Variants in CAMK2D observed in about 807,000 individuals in gnomAD.
CAMK2D encodes the protein calcium/calmodulin-dependent protein kinase type II subunit delta.
CAMK2D carries 37 observed loss-of-function variants against 84.0 expected under a neutral mutation model. That is an observed-to-expected ratio of 0.44 (90% CI 0.34 to 0.58). CAMK2D has a LOEUF of 0.58. Among genes scored for constraint, CAMK2D ranks in the 20% least tolerant of loss-of-function variants. The pLI, the probability that CAMK2D is intolerant of heterozygous loss-of-function variation, is 0.02. For synonymous variants in CAMK2D, 202 were observed against 212.5 expected, an observed-to-expected ratio of 0.95 and a Z score of 0.43; for missense variants, 448 against 652.5, an observed-to-expected ratio of 0.69 and a Z score of 3.41.
In CAMK2D at chr4:113,719,244, T is replaced by C. The variant is rs550041918; in HGVS notation, c.160+40076A>G. On this transcript the variant is annotated intron_variant, in intron 2 of 20. Transcript: ENST00000511664. ...CGGAATAGACCAAACCAAAATGGAG[T>C]CCCTCATACTAATGTTCAGAAATCA... Among the ~76,000 whole-genome samples the C allele has an allele frequency of 4.6e-5, 7 of 152,120 alleles. No homozygotes were observed. In the East Asian group the frequency reaches 1.2e-3, roughly 25 times the overall value.
chr4:113,753,631 A>G (rs1438159993), intron 2 of CAMK2D: 3 of 247,842 alleles, frequency 1.2e-5, no homozygotes, highest in African/African-American at 6.9e-5. Context: ...CTTAAGAAAC[A>G]GCCTACGTCA....
chr4:113,595,825 C>T (rs2098923336), intron 4 of CAMK2D, among the ~76,000 whole-genome samples: 2 of 152,326 alleles, frequency 1.3e-5, no homozygotes, highest in South Asian at 2.1e-4. Flanking sequence ...GGTGGAGGTT[C>T]TCGCCTCAGT....
intron 7 of CAMK2D, among the ~76,000 whole-genome samples, chr4:113,534,324 A>T (rs2098476128): frequency 6.6e-6 from 1 of 152,148 alleles, no homozygotes; most frequent in South Asian, 2.1e-4. Flanking sequence ...GATTCGCTTG[A>T]ACTTGAGAAA....
intron 4 of CAMK2D, among the ~76,000 whole-genome samples, chr4:113,574,397 A>G (rs1288131075): frequency 1.3e-5 from 2 of 152,198 alleles, no homozygotes; most frequent in Non-Finnish European, 2.9e-5. Flanking sequence ...CATCTAAATA[A>G]ATTATGAGGT....
chr4:113,498,007 G>A (rs1183307736), intron 16 of CAMK2D, among the ~76,000 whole-genome samples: 1 of 152,186 alleles, frequency 6.6e-6, no homozygotes, highest in African/African-American at 2.4e-5. Flanking sequence ...ATATGACATG[G>A]TTTTGTAGAT....
chr4:113,590,519 AT>A (rs1561198454), intron 4 of CAMK2D, among the ~76,000 whole-genome samples: 1 of 152,130 alleles, frequency 6.6e-6, no homozygotes, highest in Non-Finnish European at 1.5e-5. Context: ...TTTCCTATGC[AT>A]AAAACTTTTC....
chr4:113,622,895 CTTTAT>C (rs2099052190), intron 3 of CAMK2D, among the ~76,000 whole-genome samples: 1 of 152,160 alleles, frequency 6.6e-6, no homozygotes, highest in Admixed American at 6.5e-5. Context: ...GAATAGGTAT[CTTTAT>C]TTTGTTTTAT....
At chr4:113,550,886 T>G (rs1180336900) in intron 5 of CAMK2D, among the ~76,000 whole-genome samples, 2 of 152,196 alleles carry the variant, frequency 1.3e-5, no homozygotes, top group African/African-American at 4.8e-5. Context: ...CATGTACAGA[T>G]AGATTCACAA....
chr4:113,524,952 T>C (rs897365001), intron 8 of CAMK2D, among the ~76,000 whole-genome samples: 10 of 152,218 alleles, frequency 6.6e-5, no homozygotes, highest in African/African-American at 2.4e-4. Flanking sequence ...GCTTCTAATC[T>C]GGAGGCCTAT....
chr4:113,661,046 C>T (rs1157570378), intron 3 of CAMK2D, among the ~76,000 whole-genome samples: 2 of 152,016 alleles, frequency 1.3e-5, no homozygotes, highest in African/African-American at 2.4e-5. Flanking sequence ...CCACCCGCCT[C>T]GGCCTCCCAA....
At chr4:113,605,311 G>C (rs1193466107) in intron 4 of CAMK2D, among the ~76,000 whole-genome samples, 1 of 152,188 alleles carries the variant, frequency 6.6e-6, no homozygotes, top group Non-Finnish European at 1.5e-5. Context: ...AAAAGCCTGA[G>C]CCTAACTGCT....
At chr4:113,741,477 T>G (rs533537196) in intron 2 of CAMK2D, among the ~76,000 whole-genome samples, 27 of 152,276 alleles carry the variant, frequency 1.8e-4, no homozygotes, top group South Asian at 1.0e-3. Context: ...AACTTTATCA[T>G]ATTTATGTAT....
chr4:113,692,677 TACTC>T (rs921196187), intron 2 of CAMK2D, among the ~76,000 whole-genome samples: 89 of 152,034 alleles, frequency 5.9e-4, no homozygotes, highest in Admixed American at 1.0e-3. Context: ...CATACATACA[TACTC>T]ATACATACAT....
At chr4:113,500,430 A>C (rs1480844443) in intron 16 of CAMK2D, 33 bp downstream of exon 16, 1 of 1,399,636 alleles carries the variant, frequency 7.1e-7, no homozygotes, top group Non-Finnish European at 1.0e-6. Flanking sequence ...TGAAGCTCTG[A>C]GGTAGGATTT....
At chr4:113,648,351 A>G (rs2099159572) in intron 3 of CAMK2D, among the ~76,000 whole-genome samples, 1 of 152,238 alleles carries the variant, frequency 6.6e-6, no homozygotes, top group African/African-American at 2.4e-5. Context: ...TTTACAAATA[A>G]GCATTTTCAT....
intron 3 of CAMK2D, among the ~76,000 whole-genome samples, chr4:113,634,808 C>T (rs1473846964): frequency 6.6e-6 from 1 of 152,194 alleles, no homozygotes; most frequent in Non-Finnish European, 1.5e-5. Context: ...TACTATCTAT[C>T]TGTGAATGCA....
intron 16 of CAMK2D, among the ~76,000 whole-genome samples, chr4:113,495,811 A>C (rs1259451213): frequency 6.6e-6 from 1 of 152,162 alleles, no homozygotes; most frequent in Non-Finnish European, 1.5e-5. Flanking sequence ...GATGTGTAAG[A>C]AGGATGAAAT....
At chr4:113,543,383 ATTT>A (rs34298070) in intron 6 of CAMK2D, among the ~76,000 whole-genome samples, 5,310 of 141,636 alleles carry the variant, frequency 0.037, 273 homozygotes, top group African/African-American at 0.12. Flanking sequence ...ATATATATTG[ATTT>A]TTTTTTTTTT....
intron 3 of CAMK2D, among the ~76,000 whole-genome samples, chr4:113,617,908 T>TCATACACATACA (rs2099028123): frequency 1.3e-5 from 2 of 150,180 alleles, no homozygotes; most frequent in African/African-American, 4.9e-5. Context: ...TTTGCTTGGG[T>TCATACACATACA]CATACACACA....
Sources: gnomAD v4.1 joint callset for allele counts (sites outside exome capture counted in the v4.1 genomes callset) on GRCh38, gnomAD v4.1.1 for gene constraint, MANE v1.5 for transcripts, NCBI Gene and HGNC (gene_info 2026-07-23, HGNC 2026-07-21) for gene names.